Variants in SDK2 observed in about 807,000 individuals in gnomAD.
SDK2 encodes sidekick cell adhesion molecule 2.
SDK2 carries 105 observed loss-of-function variants against 253.9 expected under a neutral mutation model. The ratio of observed to expected loss-of-function variants is 0.41; its 90% CI spans 0.35 to 0.49. SDK2 has a LOEUF of 0.49. Ranked by LOEUF, SDK2 falls within the 20% of genes least tolerant of loss-of-function variation. SDK2 has a pLI of 0.06. For missense variants in SDK2, 2,608 were observed against 3,003.0 expected, an observed-to-expected ratio of 0.87 and a Z score of 3.07; for synonymous variants, 1,249 against 1,234.9, an observed-to-expected ratio of 1.01 and a Z score of -0.24.
chr17:73,369,125 A>G (rs1255881508), intron 36 of SDK2: 4 of 470,656 alleles, frequency 8.5e-6, no homozygotes, highest in Non-Finnish European at 4.4e-6. Flanking sequence ...ATGGCCCCCA[A>G]GTGTCTGTGT....
intron 8 of SDK2, among the ~76,000 whole-genome samples, chr17:73,436,189 G>A (rs938035265): frequency 2.6e-5 from 4 of 152,168 alleles, no homozygotes; most frequent in Non-Finnish European, 2.9e-5. Flanking sequence ...TCCCTGGGGG[G>A]CACTTGGAAG....
intron 1 of SDK2, among the ~76,000 whole-genome samples, chr17:73,529,538 T>C (rs1052564179): frequency 3.9e-5 from 6 of 152,166 alleles, no homozygotes; most frequent in African/African-American, 1.4e-4. Context: ...GGGACCTTAA[T>C]TTGGAAATAG....
rs1056844887 is a variant in SDK2, at chr17:73,443,757, G to T, written c.614-2834C>A. 2.0e-5 allele frequency among the ~76,000 whole-genome samples: 3 copies of T among 152,166 alleles called. No individual in the cohort carries two copies. The highest frequency in any genetic ancestry group is 7.2e-5 in the African/African-American group (3 of 41,446). Reference sequence around the variant, plus strand: ...GCTCAAAGCCTAGCTCTGCCCCCAGGTATCCTGGTGACTTCATCCTACTGA... The same window carrying T: ...GCTCAAAGCCTAGCTCTGCCCCCAGTTATCCTGGTGACTTCATCCTACTGA... On this transcript the variant is annotated intron_variant, in intron 5 of 44. Transcript: ENST00000392650. The surrounding 1 kb of genome is among the most constrained non-coding windows in gnomAD (Gnocchi z 4.6).
At chr17:73,533,075 GTC>G in intron 1 of SDK2, among the ~76,000 whole-genome samples, 1 of 152,304 alleles carries the variant, frequency 6.6e-6, no homozygotes, top group Admixed American at 6.5e-5. Context: ...CTTTCTCAGA[GTC>G]TCTCTGTCCA....
intron 3 of SDK2, among the ~76,000 whole-genome samples, chr17:73,471,355 T>C (rs1359314612): frequency 1.3e-5 from 2 of 152,136 alleles, no homozygotes; most frequent in Non-Finnish European, 1.5e-5. Context: ...CCCAGCACTT[T>C]GGGAGGCTGA....
At chr17:73,411,117 C>T (rs181038098) in intron 18 of SDK2, among the ~76,000 whole-genome samples, 2 of 152,122 alleles carry the variant, frequency 1.3e-5, no homozygotes, top group African/African-American at 4.8e-5. Context: ...GCGAGTGCTC[C>T]AAGAATTCAG....
intron 36 of SDK2, among the ~76,000 whole-genome samples, chr17:73,369,732 C>T (rs1036131693): frequency 1.3e-5 from 2 of 152,142 alleles, no homozygotes; most frequent in Non-Finnish European, 2.9e-5. Flanking sequence ...GATCTTGCTC[C>T]GCCTCACGGG....
rs375758688 is a variant in SDK2 at position 73,387,842 on chromosome 17, A to G, written c.4388T>C (p.Val1463Ala). ...GCATGGACCCGAGCCTTACCTGTCCACAATGAAGCTGGAGGCATTGTGGCT... is the reference window on the plus strand; with the variant it reads ...GCATGGACCCGAGCCTTACCTGTCCGCAATGAAGCTGGAGGCATTGTGGCT... ...SVSHNASSFI[V>A]DRLKPFTSYK... is the part of the protein sequence containing the mutation. The change falls in exon 30 of 45, where the codon GTG (valine) becomes GCG (alanine). Residue 1463 changes from valine to alanine, a missense_variant. Physicochemically the swap from Val to Ala is moderately conservative, Grantham distance 64. Around this residue, in one of 2 missense-constraint regions of SDK2, gnomAD observed 1,103 missense variants for 1,143.9 expected, o/e 0.96. Transcript: ENST00000392650. 4 of 1,576,218 alleles carry G rather than the reference A, an allele frequency of 2.5e-6. No homozygotes were observed. The African/African-American group carries it at 5.4e-5, about 21-fold the overall frequency.
At chr17:73,414,798 C>A in intron 17 of SDK2, 39 bp from the exon 18 acceptor site, 1 of 1,291,444 alleles carries the variant, frequency 7.7e-7, no homozygotes. Context: ...TGGAGGGGGC[C>A]CAGTCAGTCT....
rs569873926 is a variant in SDK2 at position 73,428,054 on chromosome 17, G to T, written c.1583+2457C>A. ...AGTCATTGACAGATGCCTCACCAAA[G>T]AAGGTACACAGAAGACCAACAGGCA... On this transcript the variant is annotated intron_variant, in intron 12 of 44. Coordinates refer to ENST00000392650, the MANE Select transcript of SDK2 (RefSeq NM_001144952.2). Among the ~76,000 whole-genome samples the T allele has an allele frequency of 3.3e-5, 5 of 152,264 alleles. No homozygotes were observed. In the East Asian group the frequency reaches 9.6e-4, roughly 29 times the overall value.
chr17:73,426,318 C>T (rs1385352186), intron 12 of SDK2, among the ~76,000 whole-genome samples: 1 of 149,908 alleles, frequency 6.7e-6, no homozygotes, highest in East Asian at 2.0e-4. Flanking sequence ...CCGCCTGCCT[C>T]TGCCGCCCAA....
At position 73,387,944 on chromosome 17, in the gene SDK2, A is replaced by G. The variant is rs1438550022; in HGVS notation, c.4286T>C (p.Leu1429Pro). Residue 1429 changes from leucine to proline, a missense_variant, in exon 30 of 45, where the codon CTC (leucine) becomes CCC (proline). Physicochemically the swap from Leu to Pro is moderately conservative, Grantham distance 98 (BLOSUM62 -3). This residue lies in a region of SDK2 where 1,103 missense variants were observed against 1,143.9 expected (regional missense o/e 0.96). Transcript: ENST00000392650. The part of the protein sequence containing the change: ...LLSWEPGSDG[L>P]SPVRYYTIQT... ...GATGGTGTAGTAGCGCACAGGGGAG[A>G]GCCCGTCGCTCCCTGGCTCCCAGGA... is the stretch of plus-strand genomic sequence containing the variant. The G allele has an allele frequency of 2.5e-6, 4 of 1,579,630 alleles. No homozygotes were observed. The Admixed American group carries it at 5.5e-5, about 22-fold the overall frequency.
At chr17:73,471,283 T>C (rs1156509142) in intron 3 of SDK2, among the ~76,000 whole-genome samples, 2 of 151,996 alleles carry the variant, frequency 1.3e-5, no homozygotes, top group African/African-American at 2.4e-5. Context: ...CACTCCAGGG[T>C]TGAGCGAGTT....
intron 1 of SDK2, among the ~76,000 whole-genome samples, chr17:73,607,480 C>A (rs1383053495): frequency 1.3e-5 from 2 of 152,090 alleles, no homozygotes; most frequent in East Asian, 1.9e-4. Flanking sequence ...AGATTGCTGC[C>A]CCTGGGGAGC....
chr17:73,559,921 G>A (rs965092892), intron 1 of SDK2, among the ~76,000 whole-genome samples: 1 of 152,196 alleles, frequency 6.6e-6, no homozygotes, highest in Non-Finnish European at 1.5e-5. Flanking sequence ...GCCTCACTAA[G>A]CATTTCCTCT....
At chr17:73,594,496 A>G (rs1413831112) in intron 1 of SDK2, among the ~76,000 whole-genome samples, 2 of 152,080 alleles carry the variant, frequency 1.3e-5, no homozygotes, top group Non-Finnish European at 2.9e-5. Context: ...AGGGGGAGAG[A>G]GAGAGAGAGA....
At chr17:73,404,976 C>G (rs189146177) in intron 18 of SDK2, among the ~76,000 whole-genome samples, 1 of 151,666 alleles carries the variant, frequency 6.6e-6, no homozygotes, top group Non-Finnish European at 1.5e-5. Context: ...GTGGGACTCA[C>G]GGAAAGTCAC....
In SDK2 at chr17:73,379,528, T is replaced by C; in HGVS notation, c.4784A>G (p.Tyr1595Cys). ...GTTGTACACGCTCATCCGTATCTCG[T>C]ACCGCCTGTGCTTGTTCAGGTCTGT... Reference protein sequence around the residue: ...ELDNLNKHRRYEIRMSVYNAV... With the variant: ...ELDNLNKHRRCEIRMSVYNAV... Residue 1595 changes from tyrosine (Y) to cysteine (C), a missense_variant, in exon 35 of 45, where the codon TAC becomes TGC. Physicochemically the swap from Tyr to Cys is radical, Grantham distance 194. Around this residue, in one of 2 missense-constraint regions of SDK2, gnomAD observed 1,103 missense variants for 1,143.9 expected, o/e 0.96. Transcript: ENST00000392650. This position sits in a 1 kb window ranked among gnomAD's most constrained non-coding sequence, Gnocchi z 4.5. The C allele has an allele frequency of 6.2e-7, 1 of 1,612,000 alleles. No homozygotes were observed. The highest frequency in any genetic ancestry group is 8.5e-7 in the Non-Finnish European group (1 of 1,178,962).
chr17:73,498,568 G>C (rs1450904122), intron 2 of SDK2, among the ~76,000 whole-genome samples: 1 of 152,204 alleles, frequency 6.6e-6, no homozygotes, highest in African/African-American at 2.4e-5. Flanking sequence ...TCCTTCACCA[G>C]GCTTGGAAGC....
Sources: allele counts gnomAD v4.1 joint callset (sites outside exome capture counted in the v4.1 genomes callset), GRCh38; gene constraint gnomAD v4.1.1; regional missense constraint gnomAD v4.1.1; non-coding constraint Gnocchi (gnomAD v3.1); transcripts MANE v1.5; gene names NCBI Gene and HGNC (gene_info 2026-07-23, HGNC 2026-07-21).